The following FNTB variants were observed in gnomAD, a reference collection of about 807,000 sequenced individuals.
FNTB encodes farnesyltransferase, CAAX box, subunit beta.
FNTB carries 27 observed loss-of-function variants against 59.4 expected under a neutral mutation model. The observed-to-expected ratio is 0.45, with a 90% confidence interval of 0.34 to 0.63. The LOEUF is 0.63. Ranked by LOEUF, FNTB falls within the 20% of genes least tolerant of loss-of-function variation. The pLI, the probability that FNTB is intolerant of heterozygous loss-of-function variation, is 0.02. For missense variants in FNTB, 449 were observed against 559.6 expected, an observed-to-expected ratio of 0.80 and a Z score of 1.99; for synonymous variants, 230 against 220.7, an observed-to-expected ratio of 1.04 and a Z score of -0.37.
intron 1 of FNTB, among the ~76,000 whole-genome samples, chr14:64,993,433 G>A (rs953804402): frequency 1.6e-4 from 25 of 152,288 alleles, no homozygotes; most frequent in South Asian, 1.5e-3. Flanking sequence ...TTGTTTTAGG[G>A]TATTGTGTCA....
chr14:65,020,227 G>C (rs2061859485), intron 4 of FNTB, among the ~76,000 whole-genome samples: 1 of 152,228 alleles, frequency 6.6e-6, no homozygotes, highest in African/African-American at 2.4e-5. Flanking sequence ...AGGCGAGGTT[G>C]TTACTGCTGG....
intron 11 of FNTB, among the ~76,000 whole-genome samples, chr14:65,059,382 G>A (rs776041903): frequency 6.6e-6 from 1 of 151,352 alleles, no homozygotes; most frequent in Non-Finnish European, 1.5e-5. Context: ...GAGATTATCT[G>A]TTTCTTTGTA....
chr14:65,040,768 G>C (rs767024921), intron 7 of FNTB, 22 bp from the exon 8 acceptor site: 7 of 1,608,870 alleles, frequency 4.4e-6, no homozygotes, highest in Admixed American at 1.7e-5. Flanking sequence ...CACTCATTCT[G>C]CTTTTCTCAA....
Position 65,030,475 on chromosome 14 carries a change from A to T in FNTB, c.606-2135A>T, listed in dbSNP as rs1000447058. ...AACCAGGGCCGAGCGGCAGTGGCTCATGTCTGTAATCTCAACACTTTGAGA... is the reference window on the plus strand; with the variant it reads ...AACCAGGGCCGAGCGGCAGTGGCTCTTGTCTGTAATCTCAACACTTTGAGA... On this transcript the variant is annotated intron_variant, in intron 6 of 11. Coordinates refer to ENST00000246166, the MANE Select transcript of FNTB (RefSeq NM_002028.4). This position sits in a 1 kb window ranked among gnomAD's most constrained non-coding sequence, Gnocchi z 4.5. Among the ~76,000 whole-genome samples, 14 of 152,310 alleles carry T rather than the reference A, an allele frequency of 9.2e-5. No individual in the cohort carries two copies. Among genetic ancestry groups the T allele is most frequent in the African/African-American group, 3.1e-4 (13 of 41,586 alleles).
chr14:65,017,706 A>G (rs546685722), intron 4 of FNTB, among the ~76,000 whole-genome samples: 283 of 152,146 alleles, frequency 1.9e-3, no homozygotes, highest in Non-Finnish European at 3.2e-3. Context: ...TGTAATCCCA[A>G]GCACTTTGGG....
intron 2 of FNTB, among the ~76,000 whole-genome samples, chr14:65,005,463 TTCTTTCTTTC>T (rs753223233): frequency 3.1e-5 from 4 of 127,272 alleles, no homozygotes; most frequent in Non-Finnish European, 6.4e-5. Context: ...CTTTCTTTCT[TTCTTTCTTTC>T]TTTCTTTCTT....
intron 7 of FNTB, among the ~76,000 whole-genome samples, chr14:65,040,259 G>GTATATATATATGTGTGTATA: frequency 6.9e-6 from 1 of 144,986 alleles, no homozygotes; most frequent in East Asian, 2.5e-4. Context: ...ATATATATAT[G>GTATATATATATGTGTGTATA]TATATATATG....
chr14:65,004,664 TTTTC>T (rs2061553666), intron 2 of FNTB, among the ~76,000 whole-genome samples: 1 of 152,042 alleles, frequency 6.6e-6, no homozygotes, highest in African/African-American at 2.4e-5. Context: ...TTTTCTTTCT[TTTTC>T]TTTTTTTTTT....
In FNTB at chr14:65,032,721, G is replaced by T; in HGVS notation, c.692+25G>T. 6.2e-7 allele frequency: 1 copy of T among 1,608,940 alleles called. No individual in the cohort carries two copies. The highest frequency in any genetic ancestry group is 2.2e-5 in the East Asian group (1 of 44,622). ...GGTGAGAGAAGCCAGGGTTTCTCCT[G>T]GCCTCTTGGAGAGCAGGCGGTCACG... On this transcript the variant is annotated intron_variant, in intron 7 of 11. Coordinates refer to ENST00000246166, the MANE Select transcript of FNTB (RefSeq NM_002028.4). The surrounding 1 kb of genome is among the most constrained non-coding windows in gnomAD (Gnocchi z 5.0).
In FNTB at chr14:65,044,597, T is replaced by A; in HGVS notation, c.955+154T>A. On this transcript the variant is annotated intron_variant, in intron 9 of 11. Transcript: ENST00000246166. The surrounding 1 kb of genome is among the most constrained non-coding windows in gnomAD (Gnocchi z 5.5). ...GTGTGGAACCTCATGCCGTGGGGCA[T>A]GCGAATGCAGAGTAAGATTTAGTTT... 1 of 1,117,826 alleles carries A rather than the reference T, an allele frequency of 8.9e-7. No individual in the cohort carries two copies. The highest frequency in any genetic ancestry group is 1.8e-5 in the South Asian group (1 of 54,196). 69.2% of individuals were successfully genotyped at this position (1,117,826 alleles called of 1,614,324 possible).
Position 65,032,348 on chromosome 14 carries a change from C to T in FNTB, c.606-262C>T. 3.0e-6 allele frequency: 1 copy of T among 331,942 alleles called. No individual in the cohort carries two copies. The highest frequency in any genetic ancestry group is 7.2e-5 in the South Asian group (1 of 13,880). The allele number at this position is 331,942 out of a possible 1,614,324, so 20.6% of individuals were successfully genotyped here. Reference sequence around the variant, plus strand: ...CATGAATTGATATGGCTGTTATTTCCTCTGATGTAGATTGGACCATGTGGA... The same window carrying T: ...CATGAATTGATATGGCTGTTATTTCTTCTGATGTAGATTGGACCATGTGGA... On this transcript the variant is annotated intron_variant, in intron 6 of 11. Coordinates refer to ENST00000246166, the MANE Select transcript of FNTB (RefSeq NM_002028.4). The surrounding 1 kb of genome is among the most constrained non-coding windows in gnomAD (Gnocchi z 5.0).
Position 65,030,465 on chromosome 14 carries a change from G to C in FNTB, c.606-2145G>C, listed in dbSNP as rs1427733906. 1.3e-5 allele frequency among the ~76,000 whole-genome samples: 2 copies of C among 152,158 alleles called. No individual in the cohort carries two copies. The highest frequency in any genetic ancestry group is 4.8e-5 in the African/African-American group (2 of 41,444). ...GTAAGATGGAAACCAGGGCCGAGCG[G>C]CAGTGGCTCATGTCTGTAATCTCAA... On this transcript the variant is annotated intron_variant, in intron 6 of 11. Coordinates refer to ENST00000246166, the MANE Select transcript of FNTB (RefSeq NM_002028.4). The surrounding 1 kb of genome is among the most constrained non-coding windows in gnomAD (Gnocchi z 4.5).
intron 1 of FNTB, among the ~76,000 whole-genome samples, chr14:65,002,826 A>C (rs1322613863): frequency 1.3e-5 from 2 of 151,958 alleles, no homozygotes; most frequent in Non-Finnish European, 2.9e-5. Context: ...ATTGACAGGG[A>C]GATAAGGAAG....
intron 7 of FNTB, among the ~76,000 whole-genome samples, chr14:65,033,878 A>G (rs749087199): frequency 3.3e-5 from 5 of 152,212 alleles, no homozygotes; most frequent in African/African-American, 9.6e-5. Flanking sequence ...CAAAAGGTAT[A>G]GTAGACACAT....
Position 65,027,657 on chromosome 14 carries a change from CACTG to C in FNTB, c.522-36_522-33del. The C allele has an allele frequency of 6.2e-7, 1 of 1,614,150 alleles. No individual in the cohort carries two copies. The highest frequency in any genetic ancestry group is 8.5e-7 in the Non-Finnish European group (1 of 1,179,986). ...GAGGAGTTCCCCGCCTGCTGACACG[CACTG>C]ACTGTTGCCTCTCCTACCTCTTTCC... On this transcript the variant is annotated intron_variant, in intron 5 of 11. Transcript: ENST00000246166. This position sits in a 1 kb window ranked among gnomAD's most constrained non-coding sequence, Gnocchi z 5.7.
rs2062680129 is a variant in FNTB, at chr14:65,054,333, ACTC to A, written c.1068-239_1068-237del. On this transcript the variant is annotated intron_variant, in intron 10 of 11. Transcript: ENST00000246166. This position sits in a 1 kb window ranked among gnomAD's most constrained non-coding sequence, Gnocchi z 4.4. The stretch of plus-strand genomic sequence containing the variant: ...CCCATGTTGCCCAAGTTGGTTTTGA[ACTC>A]CTGGCCTCAAACCGTTCTCTTGCCT... Among the ~76,000 whole-genome samples, 2 of 150,762 alleles carry A rather than the reference ACTC, an allele frequency of 1.3e-5. No homozygotes were observed. Among genetic ancestry groups the A allele is most frequent in the South Asian group, 4.2e-4 (2 of 4,774 alleles).
In FNTB at chr14:65,014,481, A is replaced by G. The variant is rs2061735473; in HGVS notation, c.283-1144A>G. Among the ~76,000 whole-genome samples, 1 of 152,142 alleles carries G rather than the reference A, an allele frequency of 6.6e-6. No homozygotes were observed. Among genetic ancestry groups the G allele is most frequent in the South Asian group, 2.1e-4 (1 of 4,826 alleles). ...TGTCTGTCCAGTGCTCTCTTCCCCT[A>G]CAGGTAACCACACACATTCTATATC... On this transcript the variant is annotated intron_variant, in intron 3 of 11. Transcript: ENST00000246166. This position sits in a 1 kb window ranked among gnomAD's most constrained non-coding sequence, Gnocchi z 5.1.
chr14:65,006,050 C>G (rs2139485096), intron 2 of FNTB: 1 of 1,331,958 alleles, frequency 7.5e-7, no homozygotes, highest in South Asian at 1.4e-5. Context: ...TGTCTCTTGA[C>G]TTCTTGAGAT....
rs1157973555 is a variant in FNTB at position 64,994,990 on chromosome 14, G to A, written c.144+7893G>A. On this transcript the variant is annotated intron_variant, in intron 1 of 11. Transcript: ENST00000246166. The surrounding 1 kb of genome is among the most constrained non-coding windows in gnomAD (Gnocchi z 4.2). ...TAACAGTTTAAAACACAAGCACATTGTACTGCTGTACAAAAATATTTTCTG... is the reference window on the plus strand; with the variant it reads ...TAACAGTTTAAAACACAAGCACATTATACTGCTGTACAAAAATATTTTCTG... Among the ~76,000 whole-genome samples the A allele has an allele frequency of 6.6e-6, 1 of 151,986 alleles. No individual in the cohort carries two copies. Among genetic ancestry groups the A allele is most frequent in the East Asian group, 1.9e-4 (1 of 5,194 alleles).
Sources: allele counts gnomAD v4.1 joint callset (sites outside exome capture counted in the v4.1 genomes callset), GRCh38; gene constraint gnomAD v4.1.1; non-coding constraint Gnocchi (gnomAD v3.1); transcripts MANE v1.5; gene names NCBI Gene and HGNC (gene_info 2026-07-23, HGNC 2026-07-21).